The following PRDX4 variants were observed in gnomAD, a reference collection of about 807,000 sequenced individuals.
The protein encoded by PRDX4 is peroxiredoxin 4, also known as peroxiredoxin-4.
PRDX4 carries 12 observed loss-of-function variants against 20.5 expected under a neutral mutation model. That is an observed-to-expected ratio of 0.58 (90% CI 0.37 to 0.95). The LOEUF is 0.95. PRDX4 is among the 40% of genes least tolerant of loss of function. The pLI is 0.01. For synonymous variants in PRDX4, 99 were observed against 87.5 expected (o/e 1.13, Z -0.73); for missense variants, 180 against 207.3 (o/e 0.87, Z 0.81).
At position 23,682,519 on chromosome X, in the gene PRDX4, C is replaced by G; in HGVS notation, c.723C>G (p.His241Gln). 1 of 1,158,301 alleles carries G rather than the reference C, an allele frequency of 8.6e-7. No individual in the cohort carries two copies. The highest frequency in any genetic ancestry group is 1.2e-6 in the Non-Finnish European group (1 of 865,039). The change falls in exon 5 of 7, where the codon CAC (histidine) becomes CAG (glutamine). Residue 241 changes from histidine (H) to glutamine (Q), a missense_variant. Around this residue, in one of 3 missense-constraint regions of PRDX4, gnomAD observed 73 missense variants for 76.5 expected, o/e 0.95. Transcript: ENST00000379341. The part of the protein sequence containing the change: ...LVQAFQYTDK[H>Q]GEVCPAGWKP... ...AAGCATTCCAGTACACTGACAAACA[C>G]GGAGAAGGTACCTCTCCCTTCTAAC...
intron 2 of PRDX4, 78 bp from the exon 3 acceptor site, chrX:23,674,912 T>C (rs1927914064): frequency 8.9e-7 from 1 of 1,117,962 alleles, no homozygotes; most frequent in Non-Finnish European, 1.2e-6. Context: ...TAAAGGTATT[T>C]GTAAAAATTG....
At chrX:23,671,241 C>T (rs1319387540) in intron 1 of PRDX4, among the ~76,000 whole-genome samples, 4 of 111,982 alleles carry the variant, frequency 3.6e-5, no homozygotes, top group Non-Finnish European at 3.8e-5. Context: ...TGTCAGATTA[C>T]AACTAGATCT....
At chrX:23,668,781 A>C (rs1392286150) in intron 1 of PRDX4, among the ~76,000 whole-genome samples, 15 of 98,429 alleles carry the variant, frequency 1.5e-4, no homozygotes, top group South Asian at 5.3e-4. Context: ...CTGAATCCCT[A>C]GAGTTAAATG....
chrX:23,676,749 A>T (rs1927957661), intron 3 of PRDX4, among the ~76,000 whole-genome samples: 1 of 107,606 alleles, frequency 9.3e-6, no homozygotes. Flanking sequence ...CCAAGATCAT[A>T]CCACTGCACT....
At chrX:23,678,266 CAA>C (rs753068430) in intron 3 of PRDX4, among the ~76,000 whole-genome samples, 13 of 77,123 alleles carry the variant, frequency 1.7e-4, no homozygotes, top group Non-Finnish European at 2.2e-4. Context: ...GACTCCATCT[CAA>C]AAAAAAAAAA....
intron 1 of PRDX4, 145 bp from the exon 2 acceptor site, chrX:23,671,384 C>A: frequency 4.9e-6 from 2 of 410,458 alleles, no homozygotes; most frequent in South Asian, 5.3e-5. Flanking sequence ...TTCAATAACA[C>A]TCTTTTAAGA....
At chrX:23,675,181 A>G (rs1167487169) in intron 3 of PRDX4, 75 bp downstream of exon 3, 1 of 1,205,336 alleles carries the variant, frequency 8.3e-7, no homozygotes, top group South Asian at 1.8e-5. Flanking sequence ...ATAACTCTTG[A>G]TATGATATAA....
At chrX:23,679,370 A>G (rs1928014934) in intron 4 of PRDX4, 83 bp downstream of exon 4, 1 of 1,012,411 alleles carries the variant, frequency 9.9e-7, no homozygotes, top group Non-Finnish European at 1.3e-6. Flanking sequence ...ATGAAATAGA[A>G]GAACAAATTT....
intron 6 of PRDX4, among the ~76,000 whole-genome samples, chrX:23,684,801 C>T (rs925193315): frequency 2.7e-5 from 3 of 111,252 alleles, no homozygotes; most frequent in Non-Finnish European, 5.7e-5. Flanking sequence ...CGCTCCTGGC[C>T]CAACCAACCT....
At chrX:23,676,136 CAAAAAAAAAAAAAAAAAAAA>C (rs55792240) in intron 3 of PRDX4, among the ~76,000 whole-genome samples, 3 of 54,999 alleles carry the variant, frequency 5.5e-5, no homozygotes, top group Non-Finnish European at 9.8e-5. Flanking sequence ...AACTCCATCT[CAAAAAAAAAAAAAAAAAAAA>C]AAAAAAAAAA....
At chrX:23,668,299 A>G (rs936326399) in intron 1 of PRDX4, among the ~76,000 whole-genome samples, 2 of 112,483 alleles carry the variant, frequency 1.8e-5, no homozygotes, top group African/African-American at 6.5e-5. Context: ...TTTGCATCTT[A>G]CAAAGATTAT....
At chrX:23,676,900 A>G (rs1439529349) in intron 3 of PRDX4, among the ~76,000 whole-genome samples, 1 of 111,012 alleles carries the variant, frequency 9.0e-6, no homozygotes, top group Non-Finnish European at 1.9e-5. Context: ...CAGTGGCACA[A>G]TCAATCATAG....
At chrX:23,678,011 A>G (rs1927982609) in intron 3 of PRDX4, among the ~76,000 whole-genome samples, 1 of 112,521 alleles carries the variant, frequency 8.9e-6, no homozygotes, top group African/African-American at 3.2e-5. Context: ...AGTGGCCTGT[A>G]ATCCCAGCAC....
intron 4 of PRDX4, among the ~76,000 whole-genome samples, chrX:23,679,908 G>A (rs907016924): frequency 6.3e-5 from 7 of 111,996 alleles, no homozygotes; most frequent in African/African-American, 2.3e-4. Flanking sequence ...CTCGAACCCA[G>A]GAGGCGGAGG....
chrX:23,681,710 A>C (rs1191094576), intron 4 of PRDX4, among the ~76,000 whole-genome samples: 1 of 112,177 alleles, frequency 8.9e-6, no homozygotes, highest in Non-Finnish European at 1.9e-5. Context: ...AACGTTAGCT[A>C]TATTATTTGA....
chrX:23,674,878 G>A (rs988000039), intron 2 of PRDX4, 112 bp from the exon 3 acceptor site: 1 of 986,911 alleles, frequency 1.0e-6, no homozygotes, highest in East Asian at 3.3e-5. Flanking sequence ...ATATAAAATT[G>A]TTCTTAATGT....
chrX:23,677,187 T>C (rs1352605972), intron 3 of PRDX4, among the ~76,000 whole-genome samples: 3 of 111,392 alleles, frequency 2.7e-5, no homozygotes, highest in Non-Finnish European at 5.7e-5. Flanking sequence ...CCTGATAGGG[T>C]TCACATCAAC....
chrX:23,673,548 T>A (rs1601789865), intron 2 of PRDX4, among the ~76,000 whole-genome samples: 1 of 110,943 alleles, frequency 9.0e-6, no homozygotes, highest in East Asian at 2.8e-4. Context: ...AGGTCAGGAG[T>A]TCTAGACCAG....
At chrX:23,675,133 G>GA (rs1264997932) in intron 3 of PRDX4, 27 bp downstream of exon 3, 13 of 1,206,444 alleles carry the variant, frequency 1.1e-5, no homozygotes, top group Admixed American at 4.4e-5. Context: ...TATATTCGTA[G>GA]AAAAAAAAGA....
Sources: gnomAD v4.1 joint callset for allele counts (sites outside exome capture counted in the v4.1 genomes callset) on GRCh38, gnomAD v4.1.1 for gene constraint, gnomAD v4.1.1 regional missense constraint, MANE v1.5 for transcripts, NCBI Gene and HGNC (gene_info 2026-07-23, HGNC 2026-07-21) for gene names.